SRPK2: variants seen among roughly 807,000 people sequenced by gnomAD.
SRPK2 encodes SRSF protein kinase 2, also known as SFRS protein kinase 2.
SRPK2 carries 21 observed loss-of-function variants against 90.8 expected under a neutral mutation model. The observed-to-expected ratio is 0.23, with a 90% confidence interval of 0.16 to 0.33. SRPK2 has a LOEUF of 0.33. Ranked by LOEUF, SRPK2 falls within the 10% of genes least tolerant of loss-of-function variation. SRPK2 has a pLI of 1.00. For missense variants in SRPK2, 620 were observed against 869.0 expected, an observed-to-expected ratio of 0.71 and a Z score of 3.60; for synonymous variants, 288 against 311.1, an observed-to-expected ratio of 0.93 and a Z score of 0.78.
upstream of SRPK2, chr7:105,389,422 G>A: frequency 3.3e-6 from 4 of 1,208,584 alleles, no homozygotes; most frequent in Non-Finnish European, 4.2e-6. Context: ...ACGACCAAAA[G>A]CTGGGAAACC....
At chr7:105,269,609 G>GT (rs2130475536) in intron 2 of SRPK2, among the ~76,000 whole-genome samples, 1 of 152,290 alleles carries the variant, frequency 6.6e-6, no homozygotes, top group South Asian at 2.1e-4. Context: ...CAACAGGAAT[G>GT]TAAGCACCAG....
intron 2 of SRPK2, among the ~76,000 whole-genome samples, chr7:105,262,467 G>A (rs939868441): frequency 1.3e-5 from 2 of 152,074 alleles, no homozygotes; most frequent in Admixed American, 1.3e-4. Flanking sequence ...CAAAAACTGC[G>A]GCTCTGATTT....
intron 2 of SRPK2, among the ~76,000 whole-genome samples, chr7:105,307,330 T>A (rs979809447): frequency 6.6e-6 from 1 of 151,748 alleles, no homozygotes; most frequent in Non-Finnish European, 1.5e-5. Context: ...TTCTATGACG[T>A]TTTTAAAAGG....
intron 2 of SRPK2, among the ~76,000 whole-genome samples, chr7:105,272,049 A>G (rs1805903993): frequency 6.6e-6 from 1 of 152,320 alleles, no homozygotes; most frequent in African/African-American, 2.4e-5. Context: ...ATTAATTGAT[A>G]TAGAGATCCA....
At chr7:105,299,622 G>A (rs981679459) in intron 2 of SRPK2, among the ~76,000 whole-genome samples, 2 of 152,208 alleles carry the variant, frequency 1.3e-5, no homozygotes, top group Non-Finnish European at 2.9e-5. Context: ...GCCTGGTGCC[G>A]TGGCTCACAC....
chr7:105,325,365 G>A (rs916733181), intron 2 of SRPK2, among the ~76,000 whole-genome samples: 6 of 151,584 alleles, frequency 4.0e-5, no homozygotes, highest in Non-Finnish European at 8.8e-5. Flanking sequence ...GTATGGCTAA[G>A]GAACCCTGTT....
intron 11 of SRPK2, among the ~76,000 whole-genome samples, chr7:105,134,306 G>A (rs754205868): frequency 6.6e-6 from 1 of 152,100 alleles, no homozygotes; most frequent in East Asian, 1.9e-4. Context: ...GAGTTCTCAC[G>A]AGATCTGGTT....
chr7:105,234,033 C>T (rs1031334961), intron 2 of SRPK2, among the ~76,000 whole-genome samples: 5 of 151,714 alleles, frequency 3.3e-5, no homozygotes, highest in Non-Finnish European at 5.9e-5. Flanking sequence ...TAATTAGTAT[C>T]TATTATTATT....
At chr7:105,339,671 C>T (rs1380030697) in intron 2 of SRPK2, among the ~76,000 whole-genome samples, 1 of 152,200 alleles carries the variant, frequency 6.6e-6, no homozygotes, top group Non-Finnish European at 1.5e-5. Flanking sequence ...AGCAAAGGTA[C>T]GTGCCTGACC....
Position 105,149,078 on chromosome 7 carries a change from A to G in SRPK2, c.622-2420T>C, listed in dbSNP as rs191727008. ...AAAGACCTGACCGTCCCCCAGCCCA[A>G]CACCCATAAAGGGTCTGTGCTGAGA... On this transcript the variant is annotated intron_variant, in intron 7 of 15. Coordinates refer to ENST00000393651, the MANE Select transcript of SRPK2 (RefSeq NM_182692.3). 3.8e-3 allele frequency among the ~76,000 whole-genome samples: 586 copies of G among 152,290 alleles called. 8 individuals are homozygous for G. The highest frequency in any genetic ancestry group is 0.014 in the Admixed American group (220 of 15,288).
intron 2 of SRPK2, among the ~76,000 whole-genome samples, chr7:105,339,951 G>C (rs914822438): frequency 6.6e-6 from 1 of 151,886 alleles, no homozygotes; most frequent in Non-Finnish European, 1.5e-5. Context: ...AAAGCTACTC[G>C]GGGGGCTGAG....
chr7:105,152,982 C>T (rs1023066210), intron 7 of SRPK2, among the ~76,000 whole-genome samples: 16 of 152,104 alleles, frequency 1.1e-4, no homozygotes, highest in Non-Finnish European at 5.9e-5. Context: ...TGCAGTGAGC[C>T]GAGATCGCGC....
At chr7:105,369,103 T>C (rs781200631) in intron 2 of SRPK2, among the ~76,000 whole-genome samples, 3 of 148,708 alleles carry the variant, frequency 2.0e-5, no homozygotes, top group Non-Finnish European at 4.5e-5. Flanking sequence ...TTATACATAA[T>C]AGAGTTCTAC....
chr7:105,230,499 C>A (rs1031205137), intron 2 of SRPK2, among the ~76,000 whole-genome samples: 1 of 152,110 alleles, frequency 6.6e-6, no homozygotes, highest in African/African-American at 2.4e-5. Flanking sequence ...AAGATTACTC[C>A]AGCACACTTA....
Position 105,133,251 on chromosome 7 carries a change from A to T in SRPK2, c.1544-147T>A, listed in dbSNP as rs1318125495. 9 of 760,810 alleles carry T rather than the reference A, an allele frequency of 1.2e-5. No individual in the cohort carries two copies. In the African/African-American group the frequency reaches 1.4e-4, roughly 12 times the overall value. The allele number at this position is 760,810 out of a possible 1,614,324, so 47.1% of individuals were successfully genotyped here. A position where few individuals can be genotyped will look rare whatever the true frequency, so the allele number is the denominator to read the frequency against. On this transcript the variant is annotated intron_variant, in intron 11 of 15. Coordinates refer to ENST00000393651, the MANE Select transcript of SRPK2 (RefSeq NM_182692.3). ...GAATACTGTAAATTAAACTTGACAG[A>T]ACTAAAATTGCTTGTTCTCCACCTC...
At chr7:105,146,453 A>G (rs186078137) in intron 8 of SRPK2, 40 bp downstream of exon 8, 36 of 1,600,234 alleles carry the variant, frequency 2.2e-5, no homozygotes, top group Admixed American at 5.3e-5. Flanking sequence ...CAAGCTCCCA[A>G]TGCCCCCACA....
intron 2 of SRPK2, among the ~76,000 whole-genome samples, chr7:105,291,408 G>A (rs1808996546): frequency 6.6e-6 from 1 of 152,140 alleles, no homozygotes; most frequent in Admixed American, 6.5e-5. Flanking sequence ...GGGAAGGCCG[G>A]ACACAGTGGC....
rs371787988 is a variant in SRPK2 at position 105,319,836 on chromosome 7, G to A, written c.71+68812C>T. Among the ~76,000 whole-genome samples the A allele has an allele frequency of 4.0e-5, 6 of 150,580 alleles. No individual in the cohort carries two copies. The South Asian group carries it at 1.0e-3, about 26-fold the overall frequency. On this transcript the variant is annotated intron_variant, in intron 2 of 15. Coordinates refer to ENST00000393651, the MANE Select transcript of SRPK2 (RefSeq NM_182692.3). ...CTGACTGTTTCTGTACCTCACTTCC[G>A]AGTTCTGGACATCACTTCCCCCCCT...
chr7:105,314,530 T>G (rs1435837596), intron 2 of SRPK2, among the ~76,000 whole-genome samples: 1 of 151,982 alleles, frequency 6.6e-6, no homozygotes, highest in Non-Finnish European at 1.5e-5. Context: ...ACTACAGGTG[T>G]GCACCATCAC....
Sources: gnomAD v4.1 joint callset for allele counts (sites outside exome capture counted in the v4.1 genomes callset) on GRCh38, gnomAD v4.1.1 for gene constraint, MANE v1.5 for transcripts, NCBI Gene and HGNC (gene_info 2026-07-23, HGNC 2026-07-21) for gene names.